The following CDK15 variants were observed in gnomAD, a reference collection of about 807,000 sequenced individuals.
CDK15 encodes the protein cyclin-dependent kinase 15.
CDK15 carries 62 observed loss-of-function variants against 60.3 expected under a neutral mutation model. The observed-to-expected ratio is 1.03, with a 90% CI of 0.84 to 1.27. The LOEUF is 1.27. Among genes scored for constraint, CDK15 ranks in the 50% most tolerant of loss-of-function variants. CDK15 has a pLI of 0.00. For synonymous variants in CDK15, 194 were observed against 195.7 expected (o/e 0.99, Z 0.07); for missense variants, 541 against 527.8 (o/e 1.03, Z -0.25).
Position 201,884,666 on chromosome 2 carries a change from C to G in CDK15, c.1198+4499C>G, listed in dbSNP as rs190148104. On this transcript the variant is annotated intron_variant, in intron 12 of 13. Transcript: ENST00000652192. ...GTTTCCAAATACAAATTCTGTTTCT[C>G]CCACTTTTTAGTCATTTTGTTTTAT... is the stretch of plus-strand genomic sequence containing the variant. Among the ~76,000 whole-genome samples the G allele has an allele frequency of 2.0e-5, 3 of 152,292 alleles. No homozygotes were observed. In the East Asian group the frequency reaches 5.8e-4, roughly 29 times the overall value.
At chr2:201,885,174 C>T (rs1298720904) in intron 12 of CDK15, among the ~76,000 whole-genome samples, 2 of 152,180 alleles carry the variant, frequency 1.3e-5, no homozygotes, top group Non-Finnish European at 2.9e-5. Flanking sequence ...TTCTTACCAT[C>T]GTATGCCTTT....
chr2:201,843,967 T>C (rs543172859), intron 8 of CDK15, among the ~76,000 whole-genome samples: 2 of 152,166 alleles, frequency 1.3e-5, no homozygotes, highest in East Asian at 3.9e-4. Flanking sequence ...AAACACACCA[T>C]GAAAAGGCAA....
At chr2:201,831,047 G>C (rs1696729161) in intron 6 of CDK15, among the ~76,000 whole-genome samples, 2 of 152,174 alleles carry the variant, frequency 1.3e-5, no homozygotes, top group Admixed American at 1.3e-4. Context: ...GGAGAGAGAG[G>C]AGCAATAGAT....
chr2:201,820,484 A>G (rs547906696), intron 4 of CDK15, among the ~76,000 whole-genome samples: 1 of 152,166 alleles, frequency 6.6e-6, no homozygotes, highest in Non-Finnish European at 1.5e-5. Context: ...CCTCATATCA[A>G]CCCTATGAAG....
In CDK15 at chr2:201,830,312, A is replaced by C. The variant is rs148577459; in HGVS notation, c.607-3536A>C. Among the ~76,000 whole-genome samples the C allele has an allele frequency of 3.9e-3, 594 of 152,314 alleles. 5 individuals carry two copies. Among genetic ancestry groups the C allele is most frequent in the African/African-American group, 0.014 (571 of 41,568 alleles). On this transcript the variant is annotated intron_variant, in intron 6 of 13. Coordinates refer to ENST00000652192, the MANE Select transcript of CDK15 (RefSeq NM_001366386.2). ...GAACAGCCAGAGGGGCAGAAGAAAAATTAGGAGATTGTGGAACCAAAAGAA... is the reference window on the plus strand; with the variant it reads ...GAACAGCCAGAGGGGCAGAAGAAAACTTAGGAGATTGTGGAACCAAAAGAA...
intron 13 of CDK15, among the ~76,000 whole-genome samples, 180 bp downstream of exon 13, chr2:201,891,107 GA>G (rs1699626149): frequency 6.6e-6 from 1 of 152,254 alleles, no homozygotes; most frequent in African/African-American, 2.4e-5. Context: ...TGGGCAAAGA[GA>G]ATAATTACAT....
At chr2:201,841,469 A>G (rs1697376394) in intron 8 of CDK15, among the ~76,000 whole-genome samples, 1 of 152,192 alleles carries the variant, frequency 6.6e-6, no homozygotes, top group African/African-American at 2.4e-5. Context: ...GACCTTGGGT[A>G]TTTACACTGA....
chr2:201,852,954 C>T (rs183692677), intron 9 of CDK15, among the ~76,000 whole-genome samples: 3 of 152,286 alleles, frequency 2.0e-5, no homozygotes, highest in Admixed American at 6.5e-5. Flanking sequence ...TAACTTTCAC[C>T]TTAGAGAAAA....
intron 6 of CDK15, 105 bp from the exon 7 acceptor site, chr2:201,833,743 A>C: frequency 1.9e-6 from 2 of 1,033,686 alleles, no homozygotes; most frequent in Non-Finnish European, 2.6e-6. Flanking sequence ...TGGTCTCTCA[A>C]GAGACACTTT....
intron 13 of CDK15, among the ~76,000 whole-genome samples, chr2:201,892,539 C>T (rs895634568): frequency 6.6e-6 from 1 of 152,318 alleles, no homozygotes; most frequent in East Asian, 1.9e-4. Flanking sequence ...GCATGTCAAG[C>T]TTGTGGCCTG....
At chr2:201,863,557 A>G (rs1449103114) in intron 10 of CDK15, among the ~76,000 whole-genome samples, 1 of 152,116 alleles carries the variant, frequency 6.6e-6, no homozygotes, top group African/African-American at 2.4e-5. Context: ...AGCTCTGTAA[A>G]ACACAGAGCT....
chr2:201,819,493 G>A (rs904283858), intron 4 of CDK15, among the ~76,000 whole-genome samples: 30 of 152,190 alleles, frequency 2.0e-4, no homozygotes, highest in African/African-American at 7.0e-4. Context: ...TGCAGGAGAT[G>A]AGAGGCCACT....
chr2:201,854,314 T>A (rs1000627229), intron 9 of CDK15, among the ~76,000 whole-genome samples: 8 of 152,140 alleles, frequency 5.3e-5, no homozygotes, highest in Admixed American at 4.6e-4. Flanking sequence ...ATGAGATGAA[T>A]GTAATAGAAA....
chr2:201,842,272 T>C (rs935061713), intron 8 of CDK15, among the ~76,000 whole-genome samples: 2 of 152,248 alleles, frequency 1.3e-5, no homozygotes, highest in Admixed American at 6.5e-5. Flanking sequence ...CTTGTTTTGC[T>C]TGGCATAACA....
At chr2:201,872,183 C>A in intron 10 of CDK15, 95 bp from the exon 11 acceptor site, 1 of 1,300,550 alleles carries the variant, frequency 7.7e-7, no homozygotes, top group Non-Finnish European at 1.1e-6. Flanking sequence ...TTTTTTAAAC[C>A]AAGCCAAGAA....
At chr2:201,849,124 G>C (rs1244962288) in intron 9 of CDK15, among the ~76,000 whole-genome samples, 1 of 152,186 alleles carries the variant, frequency 6.6e-6, no homozygotes, top group Non-Finnish European at 1.5e-5. Flanking sequence ...AAGTTATGTA[G>C]TCCCTCTGAA....
In CDK15 at chr2:201,889,325, G is replaced by C. The variant is rs549611442; in HGVS notation, c.1199-1460G>C. The C allele has an allele frequency of 2.1e-5, 21 of 985,420 alleles. No individual in the cohort carries two copies. The African/African-American group carries it at 3.5e-4, about 16-fold the overall frequency. The allele number at this position is 985,420 out of a possible 1,614,324, so 61.0% of individuals were successfully genotyped here. A position where few individuals can be genotyped will look rare whatever the true frequency, so the allele number is the denominator to read the frequency against. ...ATGCCCAAGTGGAAAGGGGCCCTGA[G>C]TAAATTTTGCGGATGTGCTTTGGTG... is the stretch of plus-strand genomic sequence containing the variant. On this transcript the variant is annotated intron_variant, in intron 12 of 13. Transcript: ENST00000652192.
intron 10 of CDK15, among the ~76,000 whole-genome samples, chr2:201,867,648 C>A (rs1461544384): frequency 6.6e-6 from 1 of 151,988 alleles, no homozygotes; most frequent in Non-Finnish European, 1.5e-5. Flanking sequence ...AAAAGAAACT[C>A]ATAATAACAG....
intron 3 of CDK15, among the ~76,000 whole-genome samples, chr2:201,810,208 A>T (rs950722742): frequency 6.6e-6 from 1 of 152,182 alleles, no homozygotes; most frequent in Non-Finnish European, 1.5e-5. Flanking sequence ...CAAACAAAAG[A>T]AACTGGGGAA....
Sources: gnomAD v4.1 joint callset for allele counts (sites outside exome capture counted in the v4.1 genomes callset) on GRCh38, gnomAD v4.1.1 for gene constraint, MANE v1.5 for transcripts, NCBI Gene and HGNC (gene_info 2026-07-23, HGNC 2026-07-21) for gene names.